Variants in COL1A2 observed in about 807,000 individuals in gnomAD.
COL1A2 encodes the protein collagen alpha-2(I) chain.
COL1A2 carries 49 observed loss-of-function variants against 174.3 expected under a neutral mutation model. The ratio of observed to expected loss-of-function variants is 0.28; its 90% CI spans 0.22 to 0.36. The LOEUF is 0.36. COL1A2 is among the 10% of genes least tolerant of loss of function. The pLI is 1.00. For missense variants in COL1A2, 1,438 were observed against 1,822.7 expected (o/e 0.79, Z 3.84); for synonymous variants, 655 against 606.6 (o/e 1.08, Z -1.17).
In COL1A2 at chr7:94,425,994, A is replaced by T. The variant is rs143220941; in HGVS notation, c.2944-4A>T. 4.3e-6 allele frequency: 7 copies of T among 1,614,010 alleles called. No homozygotes were observed. Among genetic ancestry groups the T allele is most frequent in the Non-Finnish European group, 5.9e-6 (7 of 1,179,968 alleles). ...AAGTTGTGTTTTTCTTTTTCATTTC[A>T]CAGGGTCCTTCTGGTCCTGTTGGTC... is the stretch of plus-strand genomic sequence containing the variant. On this transcript the variant is annotated splice_region_variant and splice_polypyrimidine_tract_variant and intron_variant, in intron 44 of 51. Coordinates refer to ENST00000297268, the MANE Select transcript of COL1A2 (RefSeq NM_000089.4).
intron 5 of COL1A2, 105 bp from the exon 6 acceptor site, chr7:94,401,462 T>C (rs1791686509): frequency 2.2e-6 from 1 of 444,770 alleles, no homozygotes; most frequent in Non-Finnish European, 3.4e-6. Context: ...CTCTTTTAAA[T>C]AACAACAGAA....
intron 30 of COL1A2, 117 bp from the exon 31 acceptor site, chr7:94,416,288 T>A: frequency 1.2e-6 from 1 of 832,320 alleles, no homozygotes; most frequent in Non-Finnish European, 1.9e-6. Flanking sequence ...GAAATTTTAA[T>A]TTGCTAATAA....
Position 94,395,270 on chromosome 7 carries a change from A to T in COL1A2, c.70+169A>T, listed in dbSNP as rs781389143. On this transcript the variant is annotated intron_variant, in intron 1 of 51. Coordinates refer to ENST00000297268, the MANE Select transcript of COL1A2 (RefSeq NM_000089.4). ...TGATAAGAAACATGGAAATTACTTT[A>T]AAAAATGAAAACATAAAAGCCTTGC... The T allele has an allele frequency of 3.8e-5, 29 of 754,282 alleles. No homozygotes were observed. In the South Asian group the frequency reaches 4.0e-4, roughly 10 times the overall value. The allele number at this position is 754,282 out of a possible 1,614,324, so 46.7% of individuals were successfully genotyped here. A position where few individuals can be genotyped will look rare whatever the true frequency, so the allele number is the denominator to read the frequency against.
intron 30 of COL1A2, among the ~76,000 whole-genome samples, chr7:94,416,147 A>G (rs1792037718): frequency 6.6e-6 from 1 of 152,196 alleles, no homozygotes; most frequent in Non-Finnish European, 1.5e-5. Flanking sequence ...AATGAATTGC[A>G]AAAATTGAAT....
intron 48 of COL1A2, 58 bp downstream of exon 48, chr7:94,427,353 C>T (rs1792300770): frequency 6.8e-7 from 1 of 1,468,448 alleles, no homozygotes; most frequent in African/African-American, 1.4e-5. Context: ...ATGTTTTCTT[C>T]AGACTAAACC....
At position 94,413,961 on chromosome 7, in the gene COL1A2, A is replaced by C. The variant is rs757020028; in HGVS notation, c.1665+14A>C. 6 of 1,609,650 alleles carry C rather than the reference A, an allele frequency of 3.7e-6. No homozygotes were observed. The African/African-American group carries it at 8.0e-5, about 22-fold the overall frequency. On this transcript the variant is annotated intron_variant, in intron 28 of 51. Transcript: ENST00000297268. The stretch of plus-strand genomic sequence containing the variant: ...CCAGGCTTCCAGGTAAGTCAACTCA[A>C]ACATATACAATACTGCCTTTGGTCA...
intron 37 of COL1A2, 157 bp downstream of exon 37, chr7:94,420,805 A>G: frequency 2.2e-6 from 2 of 911,878 alleles, no homozygotes; most frequent in South Asian, 2.9e-5. Flanking sequence ...TTTACAAAGT[A>G]TAAAAGTTTC....
intron 34 of COL1A2, among the ~76,000 whole-genome samples, chr7:94,420,030 T>G (rs187780504): frequency 1.1e-4 from 17 of 152,350 alleles, no homozygotes; most frequent in Non-Finnish European, 2.2e-4. Context: ...TTTTCTCAAG[T>G]GTATAACCCA....
intron 23 of COL1A2, 30 bp downstream of exon 23, chr7:94,411,184 A>C: frequency 6.8e-7 from 1 of 1,476,276 alleles, no homozygotes; most frequent in Non-Finnish European, 9.3e-7. Flanking sequence ...TGAGCAAATC[A>C]CACCTGGCAT....
Position 94,421,220 on chromosome 7 carries a change from T to A in COL1A2, c.2349+158T>A, listed in dbSNP as rs1408549200. On this transcript the variant is annotated intron_variant, in intron 38 of 51. Coordinates refer to ENST00000297268, the MANE Select transcript of COL1A2 (RefSeq NM_000089.4). ...GAGCAATTCCGATATTGATGTTAACTTGAACTCAGCTGGAACTCAGTGTAT... is the reference window on the plus strand; with the variant it reads ...GAGCAATTCCGATATTGATGTTAACATGAACTCAGCTGGAACTCAGTGTAT... 3 of 748,828 alleles carry A rather than the reference T, an allele frequency of 4.0e-6. No homozygotes were observed. In the East Asian group the frequency reaches 8.0e-5, roughly 20 times the overall value. 46.4% of individuals were successfully genotyped at this position (748,828 alleles called of 1,614,324 possible). A position where few individuals can be genotyped will look rare whatever the true frequency, so the allele number is the denominator to read the frequency against.
At chr7:94,424,266 A>G in intron 40 of COL1A2, 70 bp from the exon 41 acceptor site, 1 of 1,323,332 alleles carries the variant, frequency 7.6e-7, no homozygotes, top group African/African-American at 1.4e-5. Flanking sequence ...TTATTCTCAC[A>G]ATCTTCAAGC....
At chr7:94,405,170 A>G (rs2030529117) in intron 9 of COL1A2, 29 bp from the exon 10 acceptor site, 1 of 1,612,472 alleles carries the variant, frequency 6.2e-7, no homozygotes, top group Non-Finnish European at 8.5e-7. Context: ...ACCAAGAAGA[A>G]GTTGACTCTA....
chr7:94,429,492 G>C (rs1792356467), intron 51 of COL1A2, 62 bp downstream of exon 51: 1 of 1,597,368 alleles, frequency 6.3e-7, no homozygotes, highest in African/African-American at 1.3e-5. Context: ...TTCTAACTTA[G>C]ACTGCCCCCA....
rs774043645 is a variant in COL1A2 at position 94,424,343 on chromosome 7, C to CT, written c.2574dup (p.Gly859TrpfsTer23). On this transcript the variant is annotated frameshift_variant, in exon 41 of 52. Transcript: ENST00000297268. LOFTEE classifies it high-confidence loss of function. ...TATTTTTTCTCTATTTAGGGACCTC[C>CT]TGGCACTCCAGGTCCTCAGGGTCTT... 1 of 1,614,046 alleles carries CT rather than the reference C, an allele frequency of 6.2e-7. No homozygotes were observed. The highest frequency in any genetic ancestry group is 8.5e-7 in the Non-Finnish European group (1 of 1,179,936).
chr7:94,418,583 G>C, intron 33 of COL1A2, 31 bp downstream of exon 33: 1 of 1,575,660 alleles, frequency 6.3e-7, no homozygotes, highest in South Asian at 1.1e-5. Context: ...ATGTTTCTTC[G>C]TACTTGGATT....
At chr7:94,411,248 A>G (rs1791916739) in intron 23 of COL1A2, 94 bp downstream of exon 23, 3 of 1,042,172 alleles carry the variant, frequency 2.9e-6, no homozygotes, top group Non-Finnish European at 4.3e-6. Flanking sequence ...AAAAACATCA[A>G]AAGTAAATTT....
At position 94,424,412 on chromosome 7, in the gene COL1A2, A is replaced by C. The variant is rs751201659; in HGVS notation, c.2642A>C (p.Glu881Ala). The C allele has an allele frequency of 4.0e-5, 65 of 1,613,968 alleles. No homozygotes were observed. The highest frequency in any genetic ancestry group is 5.0e-5 in the Non-Finnish European group (59 of 1,180,008). Reference sequence around the variant, plus strand: ...CTGGGTCTCCCTGGCTCGAGAGGTGAACGTGGTCTACCAGGTGTTGCTGGT... The same window carrying C: ...CTGGGTCTCCCTGGCTCGAGAGGTGCACGTGGTCTACCAGGTGTTGCTGGT... ...GILGLPGSRG[E>A]RGLPGVAGAV... The change falls in exon 41 of 52, where the codon GAA becomes GCA. Residue 881 changes from glutamate (E) to alanine (A), a missense_variant. Glu to Ala is a moderately radical substitution (Grantham distance 107). Transcript: ENST00000297268.
chr7:94,413,839 A>G, intron 27 of COL1A2, 55 bp from the exon 28 acceptor site: 2 of 1,609,686 alleles, frequency 1.2e-6, no homozygotes, highest in South Asian at 1.1e-5. Context: ...TTATACAGCT[A>G]GACAACAGTG....
At chr7:94,398,330 AAT>A in intron 2 of COL1A2, 50 bp from the exon 3 acceptor site, 32 of 654,298 alleles carry the variant, frequency 4.9e-5, no homozygotes, top group South Asian at 2.7e-4. Flanking sequence ...GCTGTTTTTA[AAT>A]ATATATATAC....
Sources: gnomAD v4.1 joint callset for allele counts (sites outside exome capture counted in the v4.1 genomes callset) on GRCh38, gnomAD v4.1.1 for gene constraint, MANE v1.5 for transcripts, NCBI Gene and HGNC (gene_info 2026-07-23, HGNC 2026-07-21) for gene names.